The following MAT1A variants were observed in gnomAD, a reference collection of about 807,000 sequenced individuals.
MAT1A encodes methionine adenosyltransferase 1A, also known as S-adenosylmethionine synthase isoform type-1.
Under a neutral mutation model 44.0 loss-of-function variants are expected in MAT1A, and 19 were observed. The observed-to-expected ratio is 0.43, with a 90% confidence interval of 0.30 to 0.63. The LOEUF (loss-of-function observed/expected upper bound fraction) is 0.63, where lower values mean the gene tolerates loss of function less well. MAT1A is among the 30% of genes least tolerant of loss of function. The probability of loss-of-function intolerance (pLI) is 0.12; values close to 1 mark genes in which losing one functional copy is unlikely to be tolerated. For synonymous variants in MAT1A, 205 were observed against 205.6 expected (o/e 1.00, Z 0.03); for missense variants, 397 against 531.0 (o/e 0.75, Z 2.48).
intron 5 of MAT1A, among the ~76,000 whole-genome samples, chr10:80,276,819 G>C (rs1841494526): frequency 6.6e-6 from 1 of 152,202 alleles, no homozygotes; most frequent in Non-Finnish European, 1.5e-5. Context: ...TTCCCACATG[G>C]GGCCACAATT....
chr10:80,277,038 C>T (rs7906380), intron 5 of MAT1A, among the ~76,000 whole-genome samples: 134 of 152,320 alleles, frequency 8.8e-4, no homozygotes, highest in African/African-American at 3.1e-3. Flanking sequence ...GTCAAGATCA[C>T]ACAGTCGGAA....
chr10:80,281,714 C>CA (rs1394312472), intron 3 of MAT1A, among the ~76,000 whole-genome samples: 27 of 152,334 alleles, frequency 1.8e-4, no homozygotes, highest in African/African-American at 6.0e-4. Flanking sequence ...CACACAGATC[C>CA]AAGCTGCTGT....
chr10:80,275,287 C>T lies in MAT1A; in HGVS notation c.769-88G>A, dbSNP rs1841471326. ...AAGTACTGTGATGGCAGCTGAACTG[C>T]AACTCAGGAAGGATGTCCTGGGGCT... On this transcript the variant is annotated intron_variant, in intron 6 of 8. Transcript: ENST00000372213. The T allele has an allele frequency of 3.3e-6, 4 of 1,204,636 alleles. No homozygotes were observed. The Admixed American group carries it at 7.7e-5, about 23-fold the overall frequency. The allele number at this position is 1,204,636 out of a possible 1,614,324, so 74.6% of individuals were successfully genotyped here. A position where few individuals can be genotyped will look rare whatever the true frequency, so the allele number is the denominator to read the frequency against.
In MAT1A at chr10:80,289,441, C is replaced by A; in HGVS notation, c.-18G>T. 1 of 1,594,002 alleles carries A rather than the reference C, an allele frequency of 6.3e-7. No individual in the cohort carries two copies. The highest frequency in any genetic ancestry group is 8.6e-7 in the Non-Finnish European group (1 of 1,161,606). On this transcript the variant is annotated 5_prime_UTR_variant, in exon 1 of 9. Coordinates refer to ENST00000372213, the MANE Select transcript of MAT1A (RefSeq NM_000429.3). ...CCATTCATCTTCTCACACTTCTCCA[C>A]TCACGCTTCTTTCAGTGAACAATTT... is the stretch of plus-strand genomic sequence containing the variant.
At chr10:80,273,975 G>A (rs1295075753) in intron 8 of MAT1A, 92 bp from the exon 9 acceptor site, 24 of 899,932 alleles carry the variant, frequency 2.7e-5, no homozygotes, top group Middle Eastern at 2.5e-4. Flanking sequence ...GCAACGAACT[G>A]TAACACAGCC....
rs118204002 is a variant in MAT1A, at chr10:80,285,517, G to A, written c.164C>T (p.Ala55Val). ...HLKQDPNAKV[A>V]CETVCKTGMV... ...AGGGATCGGGTGTTTCTTACCACAG[G>A]CCACCTTGGCATTGGGGTCTTGCTT... Residue 55 changes from alanine (A) to valine (V), a missense_variant, in exon 2 of 9, where the codon GCC becomes GTC. Physicochemically the swap from Ala to Val is moderately conservative, Grantham distance 64 (BLOSUM62 0). Coordinates refer to ENST00000372213, the MANE Select transcript of MAT1A (RefSeq NM_000429.3). 2 of 1,613,856 alleles carry A rather than the reference G, an allele frequency of 1.2e-6. No individual in the cohort carries two copies. The highest frequency in any genetic ancestry group is 1.7e-5 in the Admixed American group (1 of 60,002).
chr10:80,279,960 C>T (rs904020744), intron 5 of MAT1A, among the ~76,000 whole-genome samples: 12 of 152,114 alleles, frequency 7.9e-5, no homozygotes, highest in Non-Finnish European at 1.6e-4. Flanking sequence ...CTTTTCATTT[C>T]TCTGTATTTT....
intron 5 of MAT1A, among the ~76,000 whole-genome samples, 192 bp from the exon 6 acceptor site, chr10:80,276,786 G>A (rs1184434818): frequency 6.6e-6 from 1 of 152,228 alleles, no homozygotes; most frequent in Non-Finnish European, 1.5e-5. Context: ...TGCTGTGGGA[G>A]GACTGGGTGT....
intron 5 of MAT1A, 95 bp downstream of exon 5, chr10:80,280,078 T>G (rs1418558474): frequency 1.7e-5 from 24 of 1,449,458 alleles, no homozygotes; most frequent in Non-Finnish European, 6.7e-6. Context: ...AGATTGAATA[T>G]TTCGATCTTA....
intron 3 of MAT1A, among the ~76,000 whole-genome samples, chr10:80,283,539 A>G (rs1420809370): frequency 1.3e-5 from 2 of 152,262 alleles, no homozygotes; most frequent in Non-Finnish European, 2.9e-5. Flanking sequence ...CGTCTGCATA[A>G]GTACATAAAT....
chr10:80,273,495 T>C lies in MAT1A; in HGVS notation c.*286A>G. The C allele has an allele frequency of 2.4e-6, 1 of 418,312 alleles. No individual in the cohort carries two copies. The highest frequency in any genetic ancestry group is 3.5e-5 in the Admixed American group (1 of 28,184). The allele number at this position is 418,312 out of a possible 1,614,324, so 25.9% of individuals were successfully genotyped here. A position where few individuals can be genotyped will look rare whatever the true frequency, so the allele number is the denominator to read the frequency against. On this transcript the variant is annotated 3_prime_UTR_variant, in exon 9 of 9. Transcript: ENST00000372213. Reference sequence around the variant, plus strand: ...TGTTGGGGGAGACGAGTGAGGGAATTCACTCTTGACGGGGGTGCCTTTTCC... The same window carrying C: ...TGTTGGGGGAGACGAGTGAGGGAATCCACTCTTGACGGGGGTGCCTTTTCC...
At chr10:80,286,931 GT>G (rs897122158) in intron 1 of MAT1A, among the ~76,000 whole-genome samples, 62 of 152,294 alleles carry the variant, frequency 4.1e-4, no homozygotes, top group African/African-American at 1.4e-3. Flanking sequence ...TTGAGGTTGT[GT>G]TTTGTTTGTT....
At chr10:80,280,379 A>G in intron 4 of MAT1A, 63 bp from the exon 5 acceptor site, 1 of 1,600,828 alleles carries the variant, frequency 6.2e-7, no homozygotes. Flanking sequence ...AGCTCTCTCC[A>G]AGCCTGAAAT....
intron 1 of MAT1A, among the ~76,000 whole-genome samples, chr10:80,289,062 T>C (rs1841686057): frequency 6.6e-6 from 1 of 152,238 alleles, no homozygotes; most frequent in African/African-American, 2.4e-5. Flanking sequence ...GAATGAGCTC[T>C]GGCATTCCAT....
Position 80,289,412 on chromosome 10 carries a change from C to G in MAT1A, c.12G>C (p.Pro4=). 1 of 1,613,756 alleles carries G rather than the reference C, an allele frequency of 6.2e-7. No individual in the cohort carries two copies. The highest frequency in any genetic ancestry group is 8.5e-7 in the Non-Finnish European group (1 of 1,179,638). Residue 4 remains proline (P), a synonymous_variant, in exon 1 of 9, where the codon CCG becomes CCC. Coordinates refer to ENST00000372213, the MANE Select transcript of MAT1A (RefSeq NM_000429.3). ...GAGAGTGGTCACACAAGCCATCCAC[C>G]GGTCCATTCATCTTCTCACACTTCT... is the stretch of plus-strand genomic sequence containing the variant. The part of the protein sequence containing the change: MNG[P]VDGLCDHSLS...
chr10:80,276,399 G>T lies in MAT1A; in HGVS notation c.745C>A (p.Arg249=), dbSNP rs779094715. The T allele has an allele frequency of 6.2e-7, 1 of 1,614,136 alleles. No homozygotes were observed. The highest frequency in any genetic ancestry group is 1.7e-5 in the Admixed American group (1 of 60,028). Residue 249 remains arginine, a synonymous_variant, in exon 6 of 9, where the codon CGG becomes AGG. Coordinates refer to ENST00000372213, the MANE Select transcript of MAT1A (RefSeq NM_000429.3). The part of the protein sequence containing the change: ...DTVYHLQPSG[R]FVIGGPQGDA... The stretch of plus-strand genomic sequence containing the variant: ...ACCTGGGGACCTCCGATGACAAACC[G>T]CCCACTGGGCTGCAGGTGGTAGACG...
At chr10:80,284,110 T>C in intron 2 of MAT1A, 72 bp from the exon 3 acceptor site, 1 of 1,578,668 alleles carries the variant, frequency 6.3e-7, no homozygotes, top group East Asian at 2.3e-5. Flanking sequence ...TTCCCAGACC[T>C]CTCACAGTGC....
chr10:80,282,546 CT>C (rs915983036), intron 3 of MAT1A, among the ~76,000 whole-genome samples: 5 of 151,672 alleles, frequency 3.3e-5, no homozygotes, highest in Admixed American at 1.3e-4. Context: ...AACAAATTGG[CT>C]TTTTTTTTGG....
chr10:80,272,006 C>T lies in MAT1A; in HGVS notation c.*1775G>A, dbSNP rs1004223537. 2.0e-5 allele frequency: 3 copies of T among 152,136 alleles called. No individual in the cohort carries two copies. Among genetic ancestry groups the T allele is most frequent in the African/African-American group, 7.2e-5 (3 of 41,436 alleles). The allele number at this position is 152,136 out of a possible 1,614,324, so 9.4% of individuals were successfully genotyped here. ...GGAACTTGGCCACCTGCAAACCACT[C>T]CCTCCCTCCATGGGAAGGAATCTGA... is the stretch of plus-strand genomic sequence containing the variant. On this transcript the variant is annotated 3_prime_UTR_variant, in exon 9 of 9. Coordinates refer to ENST00000372213, the MANE Select transcript of MAT1A (RefSeq NM_000429.3).
Sources: allele counts gnomAD v4.1 joint callset (sites outside exome capture counted in the v4.1 genomes callset), GRCh38; gene constraint gnomAD v4.1.1; transcripts MANE v1.5; gene names NCBI Gene and HGNC (gene_info 2026-07-23, HGNC 2026-07-21).